Variants in ADAMTS16 observed in about 807,000 individuals in gnomAD.
The protein encoded by ADAMTS16 is A disintegrin and metalloproteinase with thrombospondin motifs 16.
ADAMTS16 carries 94 observed loss-of-function variants against 145.8 expected under a neutral mutation model. That is an observed-to-expected ratio of 0.64 (90% CI 0.55 to 0.77). The LOEUF (loss-of-function observed/expected upper bound fraction) is 0.77, where lower values mean the gene tolerates loss of function less well. Ranked by LOEUF, ADAMTS16 falls within the 30% of genes least tolerant of loss-of-function variation. The pLI is 0.00. For missense variants in ADAMTS16, 1,585 were observed against 1,591.5 expected, an observed-to-expected ratio of 1.00 and a Z score of 0.07; for synonymous variants, 659 against 604.3, an observed-to-expected ratio of 1.09 and a Z score of -1.33.
intron 18 of ADAMTS16, among the ~76,000 whole-genome samples, chr5:5,265,387 T>C (rs1184572968): frequency 6.6e-6 from 1 of 152,004 alleles, no homozygotes; most frequent in South Asian, 2.1e-4. Flanking sequence ...GGTGAAGAAC[T>C]GCAAAAAGCG....
chr5:5,153,743 A>C (rs187690839), intron 3 of ADAMTS16, among the ~76,000 whole-genome samples: 3 of 152,294 alleles, frequency 2.0e-5, no homozygotes, highest in Non-Finnish European at 1.5e-5. Flanking sequence ...ATTAGAAAAA[A>C]ATATATATAA....
chr5:5,177,256 C>G (rs572668981), intron 3 of ADAMTS16, among the ~76,000 whole-genome samples: 22 of 152,326 alleles, frequency 1.4e-4, no homozygotes, highest in South Asian at 6.2e-4. Flanking sequence ...TGTCCAGTGT[C>G]AAAGCCTTAG....
At chr5:5,318,445 C>T (rs571972575) in intron 22 of ADAMTS16, among the ~76,000 whole-genome samples, 164 bp downstream of exon 22, 21 of 152,164 alleles carry the variant, frequency 1.4e-4, no homozygotes, top group Non-Finnish European at 2.5e-4. Context: ...TAGAGCAGAC[C>T]GGGCTGCCTC....
At chr5:5,274,422 C>T (rs1218363939) in intron 18 of ADAMTS16, among the ~76,000 whole-genome samples, 1 of 152,186 alleles carries the variant, frequency 6.6e-6, no homozygotes, top group Non-Finnish European at 1.5e-5. Context: ...CACAGTGTTG[C>T]CTTTTCCAGA....
At chr5:5,229,499 A>G (rs1736866453) in intron 11 of ADAMTS16, among the ~76,000 whole-genome samples, 1 of 152,116 alleles carries the variant, frequency 6.6e-6, no homozygotes, top group South Asian at 2.1e-4. Flanking sequence ...TTCTGCAGAA[A>G]GTAAACTAGC....
At chr5:5,299,094 G>C (rs993147229) in intron 18 of ADAMTS16, among the ~76,000 whole-genome samples, 2 of 152,212 alleles carry the variant, frequency 1.3e-5, no homozygotes, top group Admixed American at 6.5e-5. Flanking sequence ...TCAATGCCTC[G>C]TGTAGGTTTG....
At position 5,181,990 on chromosome 5, in the gene ADAMTS16, G is replaced by A. The variant is rs868404118; in HGVS notation, c.502-54G>A. 4 of 1,547,124 alleles carry A rather than the reference G, an allele frequency of 2.6e-6. No individual in the cohort carries two copies. In the Middle Eastern group the frequency reaches 6.9e-4, roughly 269 times the overall value. On this transcript the variant is annotated intron_variant, in intron 3 of 22. Coordinates refer to ENST00000274181, the MANE Select transcript of ADAMTS16 (RefSeq NM_139056.4). ...TGCAATGCTTGGAGAATCGGCCCTG[G>A]CTTCAACCAGAAAGTCTAATTGTGT...
chr5:5,282,688 A>G (rs1397590680), intron 18 of ADAMTS16, among the ~76,000 whole-genome samples: 1 of 152,208 alleles, frequency 6.6e-6, no homozygotes, highest in Non-Finnish European at 1.5e-5. Context: ...CAGAAGAAAT[A>G]TATATTCTTG....
At chr5:5,259,883 C>T (rs1737942988) in intron 17 of ADAMTS16, among the ~76,000 whole-genome samples, 1 of 151,844 alleles carries the variant, frequency 6.6e-6, no homozygotes, top group Non-Finnish European at 1.5e-5. Context: ...TACTCTCACC[C>T]CGCTGTGTCA....
chr5:5,269,519 A>T lies in ADAMTS16; in HGVS notation c.2789+6736A>T, dbSNP rs1738385490. On this transcript the variant is annotated intron_variant, in intron 18 of 22. Coordinates refer to ENST00000274181, the MANE Select transcript of ADAMTS16 (RefSeq NM_139056.4). The surrounding 1 kb of genome is among the most constrained non-coding windows in gnomAD (Gnocchi z 4.3). ...CCCTGCCCCACACTCTCCACCTGGG[A>T]CCTCAGACTAAAGAGAAGGAAGCAA... Among the ~76,000 whole-genome samples, 1 of 151,948 alleles carries T rather than the reference A, an allele frequency of 6.6e-6. No individual in the cohort carries two copies. The highest frequency in any genetic ancestry group is 2.4e-5 in the African/African-American group (1 of 41,340).
At chr5:5,176,069 T>C (rs1019748633) in intron 3 of ADAMTS16, 6 of 151,046 alleles carry the variant, frequency 4.0e-5, no homozygotes. Flanking sequence ...GAGGAGGAGG[T>C]TTGGTAGAAG....
intron 16 of ADAMTS16, among the ~76,000 whole-genome samples, chr5:5,241,634 G>A (rs994083199): frequency 2.6e-5 from 4 of 152,146 alleles, no homozygotes; most frequent in Non-Finnish European, 5.9e-5. Context: ...CAGATGCAGG[G>A]ATTTGCTCAG....
Position 5,303,311 on chromosome 5 carries a change from G to A in ADAMTS16, c.2833G>A (p.Gly945Arg), listed in dbSNP as rs34586473. The change falls in exon 19 of 23, where the codon GGG becomes AGG. Residue 945 changes from glycine (G) to arginine (R), a missense_variant. Around this residue, in one of 3 missense-constraint regions of ADAMTS16, gnomAD observed 834 missense variants for 811.7 expected, o/e 1.03. Transcript: ENST00000274181. ...NWSACSRTCG[G>R]GAQSRPVQCT... is the part of the protein sequence containing the mutation. ...GAGTGCCTGCAGTCGGACGTGTGGC[G>A]GGGGTGCCCAGAGCCGCCCCGTGCA... is the stretch of plus-strand genomic sequence containing the variant. 0.018 allele frequency: 28,578 copies of A among 1,596,770 alleles called. 289 individuals carry two copies. Among genetic ancestry groups the A allele is most frequent in the Non-Finnish European group, 0.022 (25,863 of 1,170,108 alleles).
rs181973650 is a variant in ADAMTS16 at position 5,294,279 on chromosome 5, C to T, written c.2790-8989C>T. Among the ~76,000 whole-genome samples the T allele has an allele frequency of 3.9e-3, 599 of 152,244 alleles. 4 individuals are homozygous for T. The highest frequency in any genetic ancestry group is 6.1e-3 in the Non-Finnish European group (412 of 68,018). On this transcript the variant is annotated intron_variant, in intron 18 of 22. Transcript: ENST00000274181. ...CTGGTTGCAATCATCTATAAGACTT[C>T]GAAATAAAACTAATTCTTTAAAAGC...
At chr5:5,301,739 C>T (rs1254206731) in intron 18 of ADAMTS16, among the ~76,000 whole-genome samples, 1 of 152,208 alleles carries the variant, frequency 6.6e-6, no homozygotes, top group South Asian at 2.1e-4. Flanking sequence ...AGCATCTTCA[C>T]AAGTCCTCGG....
intron 18 of ADAMTS16, among the ~76,000 whole-genome samples, chr5:5,274,173 C>T (rs948723137): frequency 3.3e-5 from 5 of 152,286 alleles, no homozygotes; most frequent in South Asian, 2.1e-4. Flanking sequence ...CGGCGTGCTC[C>T]ATTTGTAAAA....
rs548902143 is a variant in ADAMTS16, at chr5:5,264,114, A to G, written c.2789+1331A>G. 2.0e-5 allele frequency among the ~76,000 whole-genome samples: 3 copies of G among 152,294 alleles called. No individual in the cohort carries two copies. In the East Asian group the frequency reaches 5.8e-4, roughly 30 times the overall value. ...GCACAGGATGGGGGCCGGCCAGGCC[A>G]TATGTACTATTGGAAAGGGCAACAT... On this transcript the variant is annotated intron_variant, in intron 18 of 22. Coordinates refer to ENST00000274181, the MANE Select transcript of ADAMTS16 (RefSeq NM_139056.4).
intron 8 of ADAMTS16, 149 bp downstream of exon 8, chr5:5,191,939 C>A (rs1735671992): frequency 1.7e-6 from 1 of 605,190 alleles, no homozygotes; most frequent in African/African-American, 1.9e-5. Flanking sequence ...AATGCTGTCA[C>A]TTAGGACTTC....
At chr5:5,162,133 T>C (rs1734756228) in intron 3 of ADAMTS16, among the ~76,000 whole-genome samples, 1 of 152,210 alleles carries the variant, frequency 6.6e-6, no homozygotes, top group Non-Finnish European at 1.5e-5. Context: ...ATAATTTGAA[T>C]AGTTTCCAAT....
Sources: gnomAD v4.1 joint callset for allele counts (sites outside exome capture counted in the v4.1 genomes callset) on GRCh38, gnomAD v4.1.1 for gene constraint, gnomAD v4.1.1 regional missense constraint, Gnocchi (gnomAD v3.1) non-coding constraint, MANE v1.5 for transcripts, NCBI Gene and HGNC (gene_info 2026-07-23, HGNC 2026-07-21) for gene names.